ASB3: variants seen among roughly 807,000 people sequenced by gnomAD.
The protein encoded by ASB3 is ankyrin repeat and SOCS box protein 3.
ASB3 carries 41 observed loss-of-function variants against 54.5 expected under a neutral mutation model. That is an observed-to-expected ratio of 0.75 (90% CI 0.59 to 0.98). ASB3 has a LOEUF of 0.98. Ranked by LOEUF, ASB3 falls within the 50% of genes least tolerant of loss-of-function variation. ASB3 has a pLI of 0.00. For synonymous variants in ASB3, 266 were observed against 221.2 expected (o/e 1.20, Z -1.80); for missense variants, 733 against 620.0 (o/e 1.18, Z -1.94).
intron 7 of ASB3, among the ~76,000 whole-genome samples, chr2:53,703,790 G>A (rs1414593066): frequency 6.6e-6 from 1 of 152,096 alleles, no homozygotes; most frequent in African/African-American, 2.4e-5. Context: ...TGAGAAAAGG[G>A]AAGTCTTTTA....
chr2:53,732,872 G>C (rs1671396685), intron 3 of ASB3, among the ~76,000 whole-genome samples: 1 of 152,222 alleles, frequency 6.6e-6, no homozygotes, highest in Non-Finnish European at 1.5e-5. Context: ...CGCTTTGGAA[G>C]AGGAGCATTC....
intron 5 of ASB3, among the ~76,000 whole-genome samples, chr2:53,721,643 C>A (rs998624569): frequency 6.6e-5 from 10 of 151,808 alleles, no homozygotes; most frequent in Admixed American, 1.3e-4. Context: ...TGGCAGAAAT[C>A]AAAAAATTCT....
intron 5 of ASB3, among the ~76,000 whole-genome samples, chr2:53,719,254 G>C (rs1223703611): frequency 6.6e-6 from 1 of 152,138 alleles, no homozygotes; most frequent in Non-Finnish European, 1.5e-5. Flanking sequence ...AGATAAAACA[G>C]ACTTTAAATC....
chr2:53,732,629 T>G (rs912118655), intron 3 of ASB3, among the ~76,000 whole-genome samples: 4 of 152,230 alleles, frequency 2.6e-5, no homozygotes, highest in African/African-American at 7.2e-5. Flanking sequence ...TTTAACCTTA[T>G]GATGCAAGTT....
intron 1 of ASB3, among the ~76,000 whole-genome samples, chr2:53,767,085 A>G (rs1206748407): frequency 6.6e-6 from 1 of 152,216 alleles, no homozygotes; most frequent in Admixed American, 6.5e-5. Context: ...TTCCCCCTAG[A>G]AAAGTGTACA....
At chr2:53,698,904 C>CTT (rs953221756) in intron 8 of ASB3, among the ~76,000 whole-genome samples, 3 of 152,178 alleles carry the variant, frequency 2.0e-5, no homozygotes, top group Admixed American at 1.3e-4. Flanking sequence ...CTACCCATTA[C>CTT]CTAGTTCGAA....
At chr2:53,705,394 C>CA (rs1260129908) in intron 7 of ASB3, among the ~76,000 whole-genome samples, 3 of 151,728 alleles carry the variant, frequency 2.0e-5, no homozygotes, top group Non-Finnish European at 2.9e-5. Flanking sequence ...ACAAAACACA[C>CA]AAAAAAAACA....
intron 9 of ASB3, among the ~76,000 whole-genome samples, chr2:53,685,935 A>G (rs1668608652): frequency 6.6e-6 from 1 of 152,250 alleles, no homozygotes; most frequent in African/African-American, 2.4e-5. Flanking sequence ...AGCTTCATCC[A>G]GTGCCTTGGG....
intron 8 of ASB3, among the ~76,000 whole-genome samples, chr2:53,698,043 G>A (rs950124498): frequency 8.5e-5 from 13 of 152,180 alleles, no homozygotes; most frequent in African/African-American, 3.1e-4. Context: ...ACTGGGCATT[G>A]CTCTAGAAAG....
chr2:53,712,203 C>T (rs1334799410), intron 7 of ASB3, among the ~76,000 whole-genome samples: 1 of 148,412 alleles, frequency 6.7e-6, no homozygotes, highest in East Asian at 2.0e-4. Context: ...CCATGAGTCT[C>T]TATAAAAAAA....
At chr2:53,774,000 A>G in intron 1 of ASB3, 1 of 921,008 alleles carries the variant, frequency 1.1e-6, no homozygotes, top group Non-Finnish European at 1.6e-6. Context: ...GTGCCACTGC[A>G]CCACAGCCTG....
rs541085748 is a variant in ASB3, at chr2:53,703,198, T to C, written c.981-2670A>G. Among the ~76,000 whole-genome samples, 7 of 152,346 alleles carry C rather than the reference T, an allele frequency of 4.6e-5. No homozygotes were observed. In the South Asian group the frequency reaches 1.5e-3, roughly 32 times the overall value. ...CCCATTCCATTTGGAGGAATCTTTT[T>C]CTTATATTTCCTCATTCGAGATGGA... On this transcript the variant is annotated intron_variant, in intron 7 of 9. Coordinates refer to ENST00000263634, the MANE Select transcript of ASB3 (RefSeq NM_016115.5).
intron 7 of ASB3, among the ~76,000 whole-genome samples, chr2:53,705,967 C>T (rs1669746838): frequency 6.6e-6 from 1 of 152,170 alleles, no homozygotes; most frequent in Admixed American, 6.6e-5. Flanking sequence ...GTGATCTGTA[C>T]ATATATTGAC....
intron 1 of ASB3, among the ~76,000 whole-genome samples, chr2:53,766,316 T>G (rs1673450395): frequency 6.6e-6 from 1 of 152,190 alleles, no homozygotes; most frequent in African/African-American, 2.4e-5. Context: ...TCCCCTCCAG[T>G]CAGAGTCCAG....
chr2:53,759,655 G>GTTA, intron 2 of ASB3, among the ~76,000 whole-genome samples: 1 of 152,260 alleles, frequency 6.6e-6, no homozygotes, highest in Middle Eastern at 3.4e-3. Context: ...GGGAAAGGCT[G>GTTA]GGCAAATCGA....
intron 9 of ASB3, among the ~76,000 whole-genome samples, chr2:53,672,799 T>C (rs1667885583): frequency 6.6e-6 from 1 of 152,214 alleles, no homozygotes; most frequent in South Asian, 2.1e-4. Flanking sequence ...AATCCTTCCA[T>C]ATTTTTACAG....
chr2:53,754,525 T>C (rs1427475489), intron 2 of ASB3, among the ~76,000 whole-genome samples: 1 of 152,136 alleles, frequency 6.6e-6, no homozygotes, highest in African/African-American at 2.4e-5. Flanking sequence ...ATTTTACCTA[T>C]AGAAAAAAAT....
Position 53,714,379 on chromosome 2 carries a change from C to A in ASB3, c.980+5G>T. ...AAAAAATAAAAACATAGCAAATATA[C>A]ATACTCCTTTTGGAAAGCCATGCAC... is the stretch of plus-strand genomic sequence containing the variant. On this transcript the variant is annotated splice_donor_5th_base_variant and intron_variant, in intron 7 of 9. Coordinates refer to ENST00000263634, the MANE Select transcript of ASB3 (RefSeq NM_016115.5). The A allele has an allele frequency of 6.2e-7, 1 of 1,613,930 alleles. No individual in the cohort carries two copies.
intron 1 of ASB3, among the ~76,000 whole-genome samples, chr2:53,770,041 T>A (rs1673785675): frequency 6.6e-6 from 1 of 152,224 alleles, no homozygotes; most frequent in Admixed American, 6.5e-5. Flanking sequence ...TAGCTATGCA[T>A]AAATAACTTC....
Sources: gnomAD v4.1 joint callset for allele counts (sites outside exome capture counted in the v4.1 genomes callset) on GRCh38, gnomAD v4.1.1 for gene constraint, MANE v1.5 for transcripts, NCBI Gene and HGNC (gene_info 2026-07-23, HGNC 2026-07-21) for gene names.